Variants in ARHGAP24 observed in about 807,000 individuals in gnomAD.
ARHGAP24 encodes Rho GTPase activating protein 24, also known as rho GTPase-activating protein 24.
In ARHGAP24, 50 loss-of-function variants were observed where a neutral mutation model predicts 76.4. That is an observed-to-expected ratio of 0.65 (90% CI 0.52 to 0.83). The LOEUF (loss-of-function observed/expected upper bound fraction) is 0.83. Ranked by LOEUF, ARHGAP24 falls within the 40% of genes least tolerant of loss-of-function variation. The pLI, the probability that ARHGAP24 is intolerant of heterozygous loss-of-function variation, is 0.00. For missense variants in ARHGAP24, 930 were observed against 914.2 expected, an observed-to-expected ratio of 1.02 and a Z score of -0.22; for synonymous variants, 345 against 323.3, an observed-to-expected ratio of 1.07 and a Z score of -0.72.
rs1198221136 is a variant in ARHGAP24 at position 85,570,704 on chromosome 4, G to C, written c.163G>C (p.Asp55His). 1 of 1,614,088 alleles carries C rather than the reference G, an allele frequency of 6.2e-7. No homozygotes were observed. Among genetic ancestry groups the C allele is most frequent in the Non-Finnish European group, 8.5e-7 (1 of 1,179,988 alleles). ...TCAGCTCTATTATTTCAAAGATGAA[G>C]ATGAAACCAAGCCCTTGGTGAGTAG... ...GDQLYYFKDE[D>H]ETKPLGTIFL... The change falls in exon 2 of 10, where the codon GAT becomes CAT. Residue 55 changes from aspartate (D) to histidine (H), a missense_variant. Coordinates refer to ENST00000395184, the MANE Select transcript of ARHGAP24 (RefSeq NM_001025616.3).
At chr4:85,899,016 T>C (rs534730514) in intron 3 of ARHGAP24, among the ~76,000 whole-genome samples, 8 of 152,344 alleles carry the variant, frequency 5.3e-5, no homozygotes, top group African/African-American at 1.9e-4. Context: ...AGTGCTGGGA[T>C]TACAGGCATG....
chr4:85,995,757 C>A, intron 9 of ARHGAP24, 100 bp downstream of exon 9: 1 of 1,147,828 alleles, frequency 8.7e-7, no homozygotes, highest in Non-Finnish European at 1.3e-6. Flanking sequence ...GCTCCAAAGT[C>A]AAAGAAACAC....
chr4:85,640,053 A>C (rs1721469083), intron 2 of ARHGAP24, among the ~76,000 whole-genome samples: 1 of 152,150 alleles, frequency 6.6e-6, no homozygotes, highest in Non-Finnish European at 1.5e-5. Flanking sequence ...CCCTGAAGAC[A>C]GAAATGGACT....
intron 2 of ARHGAP24, among the ~76,000 whole-genome samples, chr4:85,636,247 A>T (rs1378914501): frequency 2.6e-5 from 4 of 151,400 alleles, no homozygotes. Context: ...AACTTTGAGT[A>T]TTTCCCAAAG....
intron 3 of ARHGAP24, among the ~76,000 whole-genome samples, chr4:85,742,535 T>A (rs1725864978): frequency 6.6e-6 from 1 of 152,232 alleles, no homozygotes; most frequent in South Asian, 2.1e-4. Flanking sequence ...GACGTATAGA[T>A]TGACATATAG....
chr4:85,700,415 ATAAAGAAG>A (rs1560591766), intron 2 of ARHGAP24, among the ~76,000 whole-genome samples: 13 of 33,756 alleles, frequency 3.9e-4, no homozygotes, highest in Non-Finnish European at 1.9e-3. Flanking sequence ...AAATAAATAA[ATAAAGAAG>A]AAGAAGAAAA....
At chr4:85,525,086 T>C (rs1283125698) in intron 1 of ARHGAP24, among the ~76,000 whole-genome samples, 1 of 152,138 alleles carries the variant, frequency 6.6e-6, no homozygotes, top group Admixed American at 6.5e-5. Context: ...CATAGTTTAG[T>C]TGGGTTTCAT....
At chr4:85,526,784 T>TACACAAGAG (rs1440373788) in intron 1 of ARHGAP24, among the ~76,000 whole-genome samples, 2 of 152,162 alleles carry the variant, frequency 1.3e-5, no homozygotes, top group Non-Finnish European at 2.9e-5. Context: ...TATGAATCTC[T>TACACAAGAG]TGTAGAGAAT....
intron 1 of ARHGAP24, among the ~76,000 whole-genome samples, chr4:85,482,925 T>G (rs1311335621): frequency 1.3e-5 from 2 of 152,212 alleles, no homozygotes; most frequent in African/African-American, 4.8e-5. Context: ...AACCTTTAAC[T>G]GTTATGCTCT....
chr4:85,810,455 G>A (rs568985549), intron 3 of ARHGAP24, among the ~76,000 whole-genome samples: 2 of 152,066 alleles, frequency 1.3e-5, no homozygotes, highest in Admixed American at 1.3e-4. Flanking sequence ...TGGATTCTGG[G>A]GCCAGACAAC....
Position 85,995,657 on chromosome 4 carries a change from G to A in ARHGAP24, c.2003G>A (p.Ser668Asn). 1 of 1,613,814 alleles carries A rather than the reference G, an allele frequency of 6.2e-7. No homozygotes were observed. Among genetic ancestry groups the A allele is most frequent in the Non-Finnish European group, 8.5e-7 (1 of 1,179,870 alleles). The change falls in exon 9 of 10, where the codon AGC becomes AAC. Residue 668 changes from serine to asparagine, a missense_variant and splice_region_variant. Ser to Asn is a conservative substitution (Grantham distance 46). Transcript: ENST00000395184. ...QKIEYESRIK[S>N]LEQRNLTLET... ...ATAGAGTATGAGTCCAGGATAAAGAGGTAAGGAAAATCTGGAGGTCGTAAC... is the reference window on the plus strand; with the variant it reads ...ATAGAGTATGAGTCCAGGATAAAGAAGTAAGGAAAATCTGGAGGTCGTAAC...
chr4:85,732,694 CTTTT>C (rs5859999), intron 3 of ARHGAP24, among the ~76,000 whole-genome samples: 1 of 136,804 alleles, frequency 7.3e-6, no homozygotes, highest in Non-Finnish European at 1.5e-5. Flanking sequence ...ATTCAAACTT[CTTTT>C]TTTTTTTTTT....
Position 85,942,108 on chromosome 4 carries a change from A to G in ARHGAP24, c.434A>G (p.Lys145Arg), listed in dbSNP as rs2148825145. ...QKLEDTVRYE[K>R]RYGNRLAPML... ...CTGGAGGATACTGTTCGTTATGAGA[A>G]GAGATATGGGAACCGTCTGGCTCCG... Residue 145 changes from lysine to arginine, a missense_variant, in exon 5 of 10, where the codon AAG becomes AGG. By Grantham distance (26) the Lys-to-Arg change is conservative (BLOSUM62 2). Coordinates refer to ENST00000395184, the MANE Select transcript of ARHGAP24 (RefSeq NM_001025616.3). The G allele has an allele frequency of 6.2e-7, 1 of 1,613,900 alleles. No homozygotes were observed. Among genetic ancestry groups the G allele is most frequent in the Non-Finnish European group, 8.5e-7 (1 of 1,179,964 alleles).
At chr4:85,875,867 G>T (rs1372505334) in intron 3 of ARHGAP24, among the ~76,000 whole-genome samples, 2 of 150,940 alleles carry the variant, frequency 1.3e-5, no homozygotes, top group South Asian at 2.1e-4. Flanking sequence ...TCAGCCTCCC[G>T]AGTTAGCTGA....
chr4:85,614,298 G>A (rs897623461), intron 2 of ARHGAP24, among the ~76,000 whole-genome samples: 2 of 152,138 alleles, frequency 1.3e-5, no homozygotes, highest in African/African-American at 2.4e-5. Flanking sequence ...GGCATCTTGT[G>A]TAATTTCTCT....
chr4:85,493,679 C>T (rs1321906770), intron 1 of ARHGAP24, among the ~76,000 whole-genome samples: 3 of 152,144 alleles, frequency 2.0e-5, no homozygotes, highest in Non-Finnish European at 4.4e-5. Flanking sequence ...TCCATTTGAT[C>T]CAGCCCATGA....
At chr4:85,665,653 C>T (rs1046407115) in intron 2 of ARHGAP24, among the ~76,000 whole-genome samples, 5 of 152,230 alleles carry the variant, frequency 3.3e-5, no homozygotes, top group East Asian at 3.9e-4. Flanking sequence ...CGGCTGGTAC[C>T]GGTTTTTCCT....
At chr4:85,733,060 C>CTTTTTTTTTTTGTTTTT (rs1725471181) in intron 3 of ARHGAP24, among the ~76,000 whole-genome samples, 1 of 55,206 alleles carries the variant, frequency 1.8e-5, no homozygotes, top group Non-Finnish European at 3.2e-5. Flanking sequence ...GCCTCACCAA[C>CTTTTTTTTTTTGTTTTT]TTTTTTTTTT....
chr4:85,652,274 C>G (rs1418085705), intron 2 of ARHGAP24, among the ~76,000 whole-genome samples: 1 of 152,116 alleles, frequency 6.6e-6, no homozygotes, highest in Non-Finnish European at 1.5e-5. Flanking sequence ...TAATGATTTT[C>G]ATAAAGAATA....
Sources: allele counts gnomAD v4.1 joint callset (sites outside exome capture counted in the v4.1 genomes callset), GRCh38; gene constraint gnomAD v4.1.1; transcripts MANE v1.5; gene names NCBI Gene and HGNC (gene_info 2026-07-23, HGNC 2026-07-21).